MEMO1: variants seen among roughly 807,000 people sequenced by gnomAD.
MEMO1 encodes the protein protein MEMO1.
MEMO1 carries 6 observed loss-of-function variants against 45.2 expected under a neutral mutation model. The observed-to-expected ratio is 0.13, with a 90% CI of 0.07 to 0.26. The LOEUF is 0.26. Among genes scored for constraint, MEMO1 ranks in the 10% least tolerant of loss-of-function variants. MEMO1 has a pLI of 1.00. For synonymous variants in MEMO1, 78 were observed against 124.3 expected (o/e 0.63, Z 2.48); for missense variants, 184 against 370.5 (o/e 0.50, Z 4.13).
In MEMO1 at chr2:31,989,975, G is replaced by A. The variant is rs977608784; in HGVS notation, c.61+20212C>T. ...TCTACAAAAAATACAGAAATTAACC[G>A]GGCATGGTGGTATACACCTATAGTC... On this transcript the variant is annotated intron_variant, in intron 2 of 9. Coordinates refer to ENST00000404530, the MANE Select transcript of MEMO1 (RefSeq NM_001301833.4). Among the ~76,000 whole-genome samples the A allele has an allele frequency of 3.9e-5, 6 of 152,070 alleles. No individual in the cohort carries two copies. The East Asian group carries it at 7.7e-4, about 20-fold the overall frequency.
At chr2:31,951,879 C>G (rs556297897) in intron 2 of MEMO1, among the ~76,000 whole-genome samples, 1 of 152,138 alleles carries the variant, frequency 6.6e-6, no homozygotes, top group Non-Finnish European at 1.5e-5. Context: ...CCTCCAAATC[C>G]TTTCTCTCAT....
chr2:31,884,181 A>C (rs1375831308), intron 7 of MEMO1, among the ~76,000 whole-genome samples: 1 of 152,180 alleles, frequency 6.6e-6, no homozygotes, highest in Non-Finnish European at 1.5e-5. Context: ...AAGCTTAAAG[A>C]GAAAACAGAA....
At chr2:31,890,099 C>T (rs1185459966) in intron 7 of MEMO1, among the ~76,000 whole-genome samples, 4 of 152,044 alleles carry the variant, frequency 2.6e-5, no homozygotes, top group Non-Finnish European at 5.9e-5. Context: ...GTGGACTAGG[C>T]TTTGGTTACT....
rs1351041721 is a variant in MEMO1, at chr2:31,927,666, G to A, written c.212+4401C>T. 4.7e-5 allele frequency among the ~76,000 whole-genome samples: 7 copies of A among 147,978 alleles called. No individual in the cohort carries two copies. The South Asian group carries it at 1.1e-3, about 22-fold the overall frequency. ...AAAAAAAAAAAAAAAGTAAAGCAAT[G>A]CCACTTTTCCCACTATCTTCTATTA... On this transcript the variant is annotated intron_variant, in intron 4 of 9. Transcript: ENST00000404530.
At chr2:31,902,059 A>C (rs1322557118) in intron 6 of MEMO1, among the ~76,000 whole-genome samples, 2 of 152,114 alleles carry the variant, frequency 1.3e-5, no homozygotes, top group African/African-American at 2.4e-5. Context: ...GGATACTTTG[A>C]GCCCAGGAGT....
intron 8 of MEMO1, among the ~76,000 whole-genome samples, chr2:31,879,220 GTTC>G (rs1266677497): frequency 6.6e-6 from 1 of 152,120 alleles, no homozygotes; most frequent in East Asian, 1.9e-4. Context: ...CTCTTGCAAG[GTTC>G]TTAATTCACC....
intron 3 of MEMO1, among the ~76,000 whole-genome samples, chr2:31,936,727 G>A (rs2148285316): frequency 6.6e-6 from 1 of 152,302 alleles, no homozygotes; most frequent in Non-Finnish European, 1.5e-5. Context: ...CAGGGTCACA[G>A]GTGAACAGTA....
At chr2:31,965,543 A>G (rs143527823) in intron 2 of MEMO1, among the ~76,000 whole-genome samples, 3 of 152,268 alleles carry the variant, frequency 2.0e-5, no homozygotes, top group Non-Finnish European at 2.9e-5. Context: ...CAAAGTAAAT[A>G]TAAGGGAAAG....
intron 2 of MEMO1, among the ~76,000 whole-genome samples, chr2:31,982,495 C>A (rs535545695): frequency 4.0e-5 from 6 of 148,420 alleles, no homozygotes; most frequent in African/African-American, 1.2e-4. Flanking sequence ...GAGGCTGGGG[C>A]AGGAGAATCG....
At chr2:31,925,349 G>A (rs560855555) in intron 4 of MEMO1, among the ~76,000 whole-genome samples, 3 of 151,848 alleles carry the variant, frequency 2.0e-5, no homozygotes, top group African/African-American at 4.8e-5. Flanking sequence ...GGTGGCACAC[G>A]CCTGTAATCC....
intron 6 of MEMO1, 35 bp downstream of exon 6, chr2:31,917,891 G>T: frequency 1.4e-6 from 2 of 1,386,316 alleles, no homozygotes; most frequent in South Asian, 1.3e-5. Flanking sequence ...TAATGTCTAT[G>T]ATTTCCTGGG....
chr2:31,944,970 A>G (rs1666026288), intron 2 of MEMO1, among the ~76,000 whole-genome samples: 1 of 152,194 alleles, frequency 6.6e-6, no homozygotes. Flanking sequence ...TCCTTGGTTA[A>G]GAAATAAATG....
intron 2 of MEMO1, among the ~76,000 whole-genome samples, chr2:32,005,750 C>CTATA (rs1673986890): frequency 1.3e-5 from 2 of 152,216 alleles, no homozygotes; most frequent in Admixed American, 6.5e-5. Flanking sequence ...TATACGCCTA[C>CTATA]TATATGCCAA....
chr2:31,945,081 AT>A (rs1429088869), intron 2 of MEMO1, among the ~76,000 whole-genome samples: 1 of 152,192 alleles, frequency 6.6e-6, no homozygotes, highest in East Asian at 1.9e-4. Context: ...ATATGTATCA[AT>A]AAACAATAAG....
chr2:31,905,097 G>T (rs937725289), intron 6 of MEMO1, among the ~76,000 whole-genome samples: 1 of 152,128 alleles, frequency 6.6e-6, no homozygotes, highest in Non-Finnish European at 1.5e-5. Context: ...GGCCAGGGGT[G>T]GGGGTGCACA....
At chr2:31,920,999 T>G in intron 4 of MEMO1, 89 bp from the exon 5 acceptor site, 5 of 852,540 alleles carry the variant, frequency 5.9e-6, no homozygotes, top group Non-Finnish European at 9.1e-6. Context: ...TTCTTACAAA[T>G]CACTTGTTTT....
At chr2:31,880,884 C>A (rs1280941268) in intron 8 of MEMO1, among the ~76,000 whole-genome samples, 1 of 151,658 alleles carries the variant, frequency 6.6e-6, no homozygotes, top group Non-Finnish European at 1.5e-5. Context: ...ATTAGCCGGG[C>A]GTGGTGGTAA....
chr2:31,911,791 C>G (rs572901598), intron 6 of MEMO1, among the ~76,000 whole-genome samples: 1 of 152,190 alleles, frequency 6.6e-6, no homozygotes, highest in South Asian at 2.1e-4. Flanking sequence ...CAGGTGTGCA[C>G]CACCTCATCC....
At chr2:31,960,367 GA>G (rs1225943651) in intron 2 of MEMO1, among the ~76,000 whole-genome samples, 1 of 152,008 alleles carries the variant, frequency 6.6e-6, no homozygotes, top group Non-Finnish European at 1.5e-5. Context: ...TTTATCTAAG[GA>G]CATCAAAGCA....
Sources: gnomAD v4.1 joint callset for allele counts (sites outside exome capture counted in the v4.1 genomes callset) on GRCh38, gnomAD v4.1.1 for gene constraint, MANE v1.5 for transcripts, NCBI Gene and HGNC (gene_info 2026-07-23, HGNC 2026-07-21) for gene names.